Variants in WDR17 observed in about 807,000 individuals in gnomAD.
WDR17 encodes the protein WD repeat-containing protein 17.
A neutral mutation model predicts 161.7 loss-of-function variants in WDR17; 143 were observed. The ratio of observed to expected loss-of-function variants is 0.88; its 90% CI spans 0.77 to 1.02. The LOEUF (loss-of-function observed/expected upper bound fraction) is 1.02, where lower values mean the gene tolerates loss of function less well. Ranked by LOEUF, WDR17 falls within the 50% of genes least tolerant of loss-of-function variation. WDR17 has a pLI of 0.00. For synonymous variants in WDR17, 517 were observed against 515.6 expected (o/e 1.00, Z -0.04); for missense variants, 1,469 against 1,520.9 (o/e 0.97, Z 0.57).
rs1241854730 is a variant in WDR17, at chr4:176,179,835, G to A, written c.*256G>A. On this transcript the variant is annotated 3_prime_UTR_variant, in exon 29 of 29. Transcript: ENST00000508596. ...AGGAGGAAACATTTAAATTATAAAGGACTGAATAATCTAAAAAGCATATAA... is the reference window on the plus strand; with the variant it reads ...AGGAGGAAACATTTAAATTATAAAGAACTGAATAATCTAAAAAGCATATAA... The A allele has an allele frequency of 5.6e-6, 1 of 180,050 alleles. No individual in the cohort carries two copies. The highest frequency in any genetic ancestry group is 1.1e-5 in the Non-Finnish European group (1 of 88,120). 11.2% of individuals were successfully genotyped at this position (180,050 alleles called of 1,614,324 possible).
At chr4:176,112,032 T>C (rs370414990) in intron 2 of WDR17, among the ~76,000 whole-genome samples, 1 of 152,180 alleles carries the variant, frequency 6.6e-6, no homozygotes, top group South Asian at 2.1e-4. Context: ...TATAACTATG[T>C]TTTTCGTGTC....
intron 20 of WDR17, among the ~76,000 whole-genome samples, chr4:176,161,311 T>A (rs567889951): frequency 6.6e-6 from 1 of 152,300 alleles, no homozygotes; most frequent in South Asian, 2.1e-4. Context: ...GGACCAATGA[T>A]GAAAATAAGA....
In WDR17 at chr4:176,148,221, A is replaced by G. The variant is rs1272493029; in HGVS notation, c.1783A>G (p.Thr595Ala). 2 of 1,613,540 alleles carry G rather than the reference A, an allele frequency of 1.2e-6. No individual in the cohort carries two copies. The highest frequency in any genetic ancestry group is 2.7e-5 in the African/African-American group (2 of 74,920). Residue 595 changes from threonine to alanine, a missense_variant, in exon 13 of 29, where the codon ACT becomes GCT. Coordinates refer to ENST00000508596, the MANE Select transcript of WDR17 (RefSeq NM_181265.4). ...ACCTGTGAGAGGATTAATGTGGAAT[A>G]CTGAGATTCCATATCTGCTCATATC... The part of the protein sequence containing the change: ...TAPVRGLMWN[T>A]EIPYLLISGS...
chr4:176,167,386 C>G (rs1183862310), intron 22 of WDR17, among the ~76,000 whole-genome samples: 4 of 151,934 alleles, frequency 2.6e-5, no homozygotes, highest in Admixed American at 2.6e-4. Flanking sequence ...GTGGCTCACG[C>G]CTGTAATCCC....
chr4:176,092,352 A>T (rs1736236886), intron 1 of WDR17, among the ~76,000 whole-genome samples: 1 of 136,082 alleles, frequency 7.3e-6, no homozygotes, highest in Non-Finnish European at 1.7e-5. Flanking sequence ...CCATATGATC[A>T]TTTCAATTGA....
intron 21 of WDR17, 77 bp downstream of exon 21, chr4:176,162,251 G>GTGAC (rs1192895061): frequency 9.8e-6 from 13 of 1,324,262 alleles, no homozygotes; most frequent in Admixed American, 4.1e-5. Context: ...AAAAGATATG[G>GTGAC]TGACTTTCTA....
At chr4:176,174,513 A>T in intron 25 of WDR17, 104 bp from the exon 26 acceptor site, 2 of 766,928 alleles carry the variant, frequency 2.6e-6, no homozygotes, top group Non-Finnish European at 1.9e-6. Context: ...ATATTGCTAT[A>T]AATGTCACCT....
intron 4 of WDR17, among the ~76,000 whole-genome samples, chr4:176,120,928 A>G (rs949058537): frequency 2.0e-5 from 3 of 152,172 alleles, no homozygotes; most frequent in African/African-American, 4.8e-5. Context: ...TCAGGAAATA[A>G]TGTTTCTAAA....
At position 176,179,570 on chromosome 4, in the gene WDR17, TC is replaced by T; in HGVS notation, c.3845del (p.Pro1282HisfsTer15). The T allele has an allele frequency of 6.4e-7, 1 of 1,557,092 alleles. No individual in the cohort carries two copies. Among genetic ancestry groups the T allele is most frequent in the Non-Finnish European group, 8.7e-7 (1 of 1,152,488 alleles). ...SPLGTGIRLN[P>X]F ...CTTTAGGGACTGGAATACGACTCAA[TC>T]CATTCTGATAGAAGATTTTTGTCCA... On this transcript the variant is annotated frameshift_variant, in exon 29 of 29. Coordinates refer to ENST00000508596, the MANE Select transcript of WDR17 (RefSeq NM_181265.4). LOFTEE classifies it high-confidence loss of function.
chr4:176,067,255 T>A (rs1732649812), intron 1 of WDR17, among the ~76,000 whole-genome samples: 1 of 152,242 alleles, frequency 6.6e-6, no homozygotes, highest in African/African-American at 2.4e-5. Flanking sequence ...TAAAATTAAA[T>A]ATAGTTATTA....
intron 17 of WDR17, among the ~76,000 whole-genome samples, chr4:176,155,738 T>TATATA (rs1554033773): frequency 1.4e-5 from 2 of 147,970 alleles, no homozygotes; most frequent in African/African-American, 2.5e-5. Context: ...TATATATATG[T>TATATA]TTTGGTAGAC....
In WDR17 at chr4:176,112,618, C is replaced by T. The variant is rs1031270055; in HGVS notation, c.123+915C>T. Among the ~76,000 whole-genome samples, 3 of 152,120 alleles carry T rather than the reference C, an allele frequency of 2.0e-5. No homozygotes were observed. In the South Asian group the frequency reaches 6.2e-4, roughly 31 times the overall value. ...TTGCTTACATTGCCTGTCTAGAGAACACTTTCTCATCTTTCGAATCTCAGC... is the reference window on the plus strand; with the variant it reads ...TTGCTTACATTGCCTGTCTAGAGAATACTTTCTCATCTTTCGAATCTCAGC... On this transcript the variant is annotated intron_variant, in intron 2 of 28. Coordinates refer to ENST00000508596, the MANE Select transcript of WDR17 (RefSeq NM_181265.4).
At chr4:176,167,661 A>AACAAG (rs1554036557) in intron 22 of WDR17, among the ~76,000 whole-genome samples, 1 of 113,736 alleles carries the variant, frequency 8.8e-6, no homozygotes, top group Admixed American at 1.0e-4. Flanking sequence ...AAAAAAAAAA[A>AACAAG]AAAAAAAAAA....
At chr4:176,073,655 T>G (rs113564858) in intron 1 of WDR17, among the ~76,000 whole-genome samples, 42,731 of 141,984 alleles carry the variant, frequency 0.3, 6,320 homozygotes, top group East Asian at 0.39. Context: ...GTATTTCTAG[T>G]TCTAGATCCC....
At chr4:176,069,721 A>G (rs1283873394) in intron 1 of WDR17, among the ~76,000 whole-genome samples, 2 of 152,118 alleles carry the variant, frequency 1.3e-5, no homozygotes, top group East Asian at 1.9e-4. Context: ...AGTAAGTTCA[A>G]TTTCATATCA....
intron 1 of WDR17, among the ~76,000 whole-genome samples, chr4:176,076,923 A>G (rs762172713): frequency 6.6e-6 from 1 of 151,296 alleles, no homozygotes; most frequent in African/African-American, 2.4e-5. Context: ...ATCAACATTG[A>G]TAGAAATCTA....
At chr4:176,161,483 A>G (rs1356471452) in intron 20 of WDR17, among the ~76,000 whole-genome samples, 1 of 152,150 alleles carries the variant, frequency 6.6e-6, no homozygotes, top group Non-Finnish European at 1.5e-5. Flanking sequence ...GGAAATGAGA[A>G]TTTTTCAGCC....
intron 1 of WDR17, among the ~76,000 whole-genome samples, chr4:176,068,673 T>C (rs1381472570): frequency 6.6e-6 from 1 of 152,206 alleles, no homozygotes; most frequent in African/African-American, 2.4e-5. Context: ...ATGCTCCTTT[T>C]CTTTTGTATC....
At chr4:176,082,273 G>A (rs13114039) in intron 1 of WDR17, among the ~76,000 whole-genome samples, 31,996 of 151,844 alleles carry the variant, frequency 0.21, 3,619 homozygotes, top group South Asian at 0.27. Flanking sequence ...AATTCTGCTT[G>A]TTGTATTACT....
Sources: allele counts gnomAD v4.1 joint callset (sites outside exome capture counted in the v4.1 genomes callset), GRCh38; gene constraint gnomAD v4.1.1; transcripts MANE v1.5; gene names NCBI Gene and HGNC (gene_info 2026-07-23, HGNC 2026-07-21).